RBM19: variants seen among roughly 807,000 people sequenced by gnomAD.
The protein encoded by RBM19 is RNA binding motif protein 19.
In RBM19, 94 loss-of-function variants were observed where a neutral mutation model predicts 116.8. The ratio of observed to expected loss-of-function variants is 0.80; its 90% CI spans 0.68 to 0.95. The LOEUF is 0.95. Ranked by LOEUF, RBM19 falls within the 40% of genes least tolerant of loss-of-function variation. The probability of loss-of-function intolerance (pLI) is 0.00; values close to 1 mark genes in which losing one functional copy is unlikely to be tolerated. For synonymous variants in RBM19, 475 were observed against 494.1 expected (o/e 0.96, Z 0.51); for missense variants, 1,161 against 1,220.7 (o/e 0.95, Z 0.73).
At chr12:113,939,522 G>GGCGGGAGGCTGAGGCGA (rs528275313) in intron 15 of RBM19, among the ~76,000 whole-genome samples, 6,540 of 151,976 alleles carry the variant, frequency 0.043, 438 homozygotes, top group African/African-American at 0.15. Context: ...GGCTGAGGCG[G>GGCGGGAGGCTGAGGCGA]GCGGATCACG....
chr12:113,842,768 AG>A (rs1190326952), intron 23 of RBM19, among the ~76,000 whole-genome samples: 2 of 152,092 alleles, frequency 1.3e-5, no homozygotes, highest in Admixed American at 1.3e-4. Flanking sequence ...GGCTTCCTGG[AG>A]GAGGTGTCAT....
intron 21 of RBM19, among the ~76,000 whole-genome samples, chr12:113,883,162 C>T (rs1422665376): frequency 6.6e-6 from 1 of 152,220 alleles, no homozygotes; most frequent in Non-Finnish European, 1.5e-5. Flanking sequence ...GTCATCGCCT[C>T]TAAAGAAAAC....
At chr12:113,939,524 C>T (rs1024786487) in intron 15 of RBM19, among the ~76,000 whole-genome samples, 4 of 151,648 alleles carry the variant, frequency 2.6e-5, no homozygotes, top group East Asian at 1.9e-4. Flanking sequence ...CTGAGGCGGG[C>T]GGATCACGAG....
At chr12:113,921,050 C>T (rs940702813) in intron 18 of RBM19, among the ~76,000 whole-genome samples, 5 of 152,212 alleles carry the variant, frequency 3.3e-5, no homozygotes, top group African/African-American at 7.2e-5. Context: ...TGCCTCCACA[C>T]GTAATGCCTA....
At chr12:113,956,814 T>G (rs1871987867) in intron 6 of RBM19, among the ~76,000 whole-genome samples, 1 of 152,118 alleles carries the variant, frequency 6.6e-6, no homozygotes, top group Non-Finnish European at 1.5e-5. Flanking sequence ...TTCCCAGCCA[T>G]GACCCTGGCT....
At chr12:113,931,183 G>A (rs761355711) in intron 16 of RBM19, among the ~76,000 whole-genome samples, 1 of 152,174 alleles carries the variant, frequency 6.6e-6, no homozygotes, top group Non-Finnish European at 1.5e-5. Context: ...TGTATAGGAT[G>A]TATTGTATAG....
At chr12:113,853,568 C>T (rs1022490068) in intron 22 of RBM19, among the ~76,000 whole-genome samples, 13 of 152,224 alleles carry the variant, frequency 8.5e-5, no homozygotes, top group African/African-American at 2.4e-4. Context: ...CTTCCCCTTC[C>T]GTGTTGCCCT....
intron 21 of RBM19, among the ~76,000 whole-genome samples, chr12:113,910,955 C>T (rs184960335): frequency 3.9e-5 from 6 of 152,218 alleles, no homozygotes; most frequent in Admixed American, 6.5e-5. Context: ...CTGCCCTGGG[C>T]ACTTCCTGGT....
chr12:113,914,907 T>G, intron 21 of RBM19, 62 bp downstream of exon 21: 11 of 1,447,746 alleles, frequency 7.6e-6, no homozygotes, highest in South Asian at 2.3e-5. Flanking sequence ...CCATCTTCCC[T>G]GAGACTCGGG....
chr12:113,947,443 T>C lies in RBM19; in HGVS notation c.1298A>G (p.Tyr433Cys), dbSNP rs369103042. Residue 433 changes from tyrosine to cysteine, a missense_variant, in exon 11 of 24, where the codon TAC (tyrosine) becomes TGC (cysteine). Tyr to Cys is a radical substitution (Grantham distance 194, BLOSUM62 -2). Transcript: ENST00000261741. Reference sequence around the variant, plus strand: ...TTTCTTGGTCAGGCTGTCGATGGGGTAGTGGAGCTCAGACAGGGGACCTGA... The same window carrying C: ...TTTCTTGGTCAGGCTGTCGATGGGGCAGTGGAGCTCAGACAGGGGACCTGA... ...SKYGPLSELH[Y>C]PIDSLTKKPK... 3.2e-5 allele frequency: 51 copies of C among 1,606,798 alleles called. No homozygotes were observed. In the Middle Eastern group the frequency reaches 6.6e-4, roughly 21 times the overall value.
intron 13 of RBM19, among the ~76,000 whole-genome samples, chr12:113,943,828 G>C (rs775879808): frequency 1.3e-5 from 2 of 152,120 alleles, no homozygotes; most frequent in Non-Finnish European, 2.9e-5. Flanking sequence ...TGTCTCAGGA[G>C]GGAGGGAAAA....
intron 23 of RBM19, among the ~76,000 whole-genome samples, chr12:113,844,070 T>G (rs1030181920): frequency 6.6e-6 from 1 of 152,186 alleles, no homozygotes; most frequent in Non-Finnish European, 1.5e-5. Context: ...GTCATGTGGG[T>G]GCATGAGGTC....
At chr12:113,897,629 T>C (rs1005055923) in intron 21 of RBM19, among the ~76,000 whole-genome samples, 2 of 152,210 alleles carry the variant, frequency 1.3e-5, no homozygotes, top group East Asian at 1.9e-4. Context: ...CTGGGCAATA[T>C]AGCAACACTC....
At chr12:113,837,515 C>A (rs1448430108) in intron 23 of RBM19, among the ~76,000 whole-genome samples, 2 of 152,218 alleles carry the variant, frequency 1.3e-5, no homozygotes, top group Non-Finnish European at 2.9e-5. Context: ...TTACAGGCAT[C>A]CTTCCCTTGG....
Position 113,957,797 on chromosome 12 carries a change from C to T in RBM19, c.825G>A (p.Pro275=), listed in dbSNP as rs752683464. 1.1e-5 allele frequency: 17 copies of T among 1,598,452 alleles called. No individual in the cohort carries two copies. The highest frequency in any genetic ancestry group is 2.3e-5 in the South Asian group (2 of 88,734). The part of the protein sequence containing the change: ...QGMPAGKKRP[P]EARAETEKPA... ...ACACACGCACCTCGGCTCTGGCCTC[C>T]GGTGGTCTCTTTTTCCCAGCTGGCA... Residue 275 remains proline, a synonymous_variant, in exon 6 of 24, where the codon CCG becomes CCA. Coordinates refer to ENST00000261741, the MANE Select transcript of RBM19 (RefSeq NM_016196.4).
At chr12:113,887,419 C>T (rs548649956) in intron 21 of RBM19, among the ~76,000 whole-genome samples, 5 of 152,056 alleles carry the variant, frequency 3.3e-5, no homozygotes, top group African/African-American at 7.2e-5. Flanking sequence ...GGGCACATCA[C>T]GAGGTCAGGA....
intron 16 of RBM19, among the ~76,000 whole-genome samples, chr12:113,934,591 C>T (rs1869887797): frequency 6.6e-6 from 1 of 152,192 alleles, no homozygotes. Context: ...GGGGTCTCGG[C>T]ATGTGGAGTG....
chr12:113,914,328 C>T (rs1290865341), intron 21 of RBM19, among the ~76,000 whole-genome samples: 1 of 152,244 alleles, frequency 6.6e-6, no homozygotes, highest in Non-Finnish European at 1.5e-5. Context: ...CCTGCGACAG[C>T]TGCATTTTCC....
At chr12:113,820,343 A>G (rs186326080), downstream of RBM19, among the ~76,000 whole-genome samples, 4 of 152,108 alleles carry the variant, frequency 2.6e-5, no homozygotes, top group African/African-American at 9.6e-5. Context: ...GTGATTTAAG[A>G]TCTCAAAGGA....
Sources: allele counts gnomAD v4.1 joint callset (sites outside exome capture counted in the v4.1 genomes callset), GRCh38; gene constraint gnomAD v4.1.1; transcripts MANE v1.5; gene names NCBI Gene and HGNC (gene_info 2026-07-23, HGNC 2026-07-21).